Variants in SLC7A2 observed in about 807,000 individuals in gnomAD.
SLC7A2 encodes the protein solute carrier family 7 member 2, also known as cationic amino acid transporter 2.
Under a neutral mutation model 58.9 loss-of-function variants are expected in SLC7A2, and 48 were observed. The observed-to-expected ratio is 0.82, with a 90% confidence interval of 0.65 to 1.04. SLC7A2 has a LOEUF of 1.04. SLC7A2 is among the 50% of genes least tolerant of loss of function. SLC7A2 has a pLI of 0.00. For missense variants in SLC7A2, 1,029 were observed against 818.8 expected (o/e 1.26, Z -3.13); for synonymous variants, 363 against 314.5 (o/e 1.15, Z -1.63).
chr8:17,556,568 T>A (rs1195307623), intron 8 of SLC7A2, among the ~76,000 whole-genome samples: 1 of 152,034 alleles, frequency 6.6e-6, no homozygotes, highest in Non-Finnish European at 1.5e-5. Flanking sequence ...CTGTGATTTT[T>A]AAGCATACCA....
At chr8:17,506,447 C>T (rs1021597201) in intron 2 of SLC7A2, among the ~76,000 whole-genome samples, 2 of 152,184 alleles carry the variant, frequency 1.3e-5, no homozygotes, top group Non-Finnish European at 2.9e-5. Flanking sequence ...CTTCACAGTA[C>T]ATTTAAAACT....
At chr8:17,538,942 C>T (rs566157476) in intron 2 of SLC7A2, 22 of 1,603,448 alleles carry the variant, frequency 1.4e-5, no homozygotes, top group Non-Finnish European at 1.8e-5. Context: ...ATTGTCAGGG[C>T]CTGGGATACT....
At chr8:17,547,358 C>A (rs1802221692) in intron 4 of SLC7A2, among the ~76,000 whole-genome samples, 1 of 152,050 alleles carries the variant, frequency 6.6e-6, no homozygotes, top group Admixed American at 6.5e-5. Flanking sequence ...AACCTGCCCC[C>A]ATGATTCAGT....
rs572470562 is a variant in SLC7A2 at position 17,538,714 on chromosome 8, C to T, written c.-22-4604C>T. The T allele has an allele frequency of 1.2e-5, 16 of 1,301,936 alleles. No homozygotes were observed. The South Asian group carries it at 2.1e-4, about 17-fold the overall frequency. The allele number at this position is 1,301,936 out of a possible 1,614,324, so 80.6% of individuals were successfully genotyped here. On this transcript the variant is annotated intron_variant, in intron 2 of 12. Coordinates refer to ENST00000494857, the MANE Select transcript of SLC7A2 (RefSeq NM_001370338.1). ...ATTGCAAAATAAAAAAGATCTAGGG[C>T]AAAAACAGTATGGTAAAGATCCCTA...
intron 2 of SLC7A2, among the ~76,000 whole-genome samples, chr8:17,514,048 T>C (rs111466756): frequency 5.9e-5 from 9 of 152,312 alleles, no homozygotes; most frequent in African/African-American, 2.2e-4. Flanking sequence ...TGACCCGTAA[T>C]AGTCTTAGTT....
chr8:17,495,171 G>C (rs1169802668), upstream of SLC7A2, among the ~76,000 whole-genome samples: 1 of 152,022 alleles, frequency 6.6e-6, no homozygotes, highest in African/African-American at 2.4e-5. Flanking sequence ...TGTTGACCAG[G>C]TTGGCCTCGA....
At chr8:17,538,857 C>G in intron 2 of SLC7A2, 5 of 1,613,588 alleles carry the variant, frequency 3.1e-6, no homozygotes, top group Middle Eastern at 3.3e-4. Flanking sequence ...ATAACTCAGA[C>G]AAACTAATTT....
At chr8:17,514,202 C>G (rs987804976) in intron 2 of SLC7A2, among the ~76,000 whole-genome samples, 22 of 151,946 alleles carry the variant, frequency 1.4e-4, no homozygotes, top group African/African-American at 5.3e-4. Context: ...ATGAATGAAA[C>G]AGGCTAGTGC....
rs1403768742 is a variant in SLC7A2, at chr8:17,559,576, C to T, written c.1299-752C>T. 2.0e-5 allele frequency among the ~76,000 whole-genome samples: 3 copies of T among 151,966 alleles called. No individual in the cohort carries two copies. In the South Asian group the frequency reaches 6.2e-4, roughly 32 times the overall value. On this transcript the variant is annotated intron_variant, in intron 9 of 12. Transcript: ENST00000494857. ...AGCGAAACTCTGTCTCAAAAAAAAA[C>T]ATAACAAAACGAAAGAAGAAAAACC...
At chr8:17,528,395 T>C (rs1017633490) in intron 2 of SLC7A2, among the ~76,000 whole-genome samples, 11 of 152,006 alleles carry the variant, frequency 7.2e-5, no homozygotes, top group Admixed American at 6.6e-4. Context: ...TGTTTATTTG[T>C]TTTTTTAGAG....
At position 17,527,358 on chromosome 8, in the gene SLC7A2, C is replaced by A. The variant is rs916554398; in HGVS notation, c.-22-15960C>A. On this transcript the variant is annotated intron_variant, in intron 2 of 12. Transcript: ENST00000494857. Reference sequence around the variant, plus strand: ...TCATTCATTGGACAAATGTTTACTCCTATCCATGTTTCAGTCACTGGGAAA... The same window carrying A: ...TCATTCATTGGACAAATGTTTACTCATATCCATGTTTCAGTCACTGGGAAA... Among the ~76,000 whole-genome samples, 22 of 152,262 alleles carry A rather than the reference C, an allele frequency of 1.4e-4. No individual in the cohort carries two copies. The South Asian group carries it at 2.1e-3, about 14-fold the overall frequency.
At chr8:17,495,706 C>T (rs750928614), upstream of SLC7A2, among the ~76,000 whole-genome samples, 6 of 152,118 alleles carry the variant, frequency 3.9e-5, no homozygotes, top group Non-Finnish European at 7.4e-5. Context: ...CCCGCCGCCG[C>T]GCCCGGCTAA....
intron 2 of SLC7A2, among the ~76,000 whole-genome samples, chr8:17,528,659 C>T (rs529869845): frequency 6.6e-6 from 1 of 152,328 alleles, no homozygotes; most frequent in East Asian, 1.9e-4. Context: ...CTGCCTCCGC[C>T]TCCCAAAGTG....
upstream of SLC7A2, among the ~76,000 whole-genome samples, chr8:17,495,838 C>G (rs1327236550): frequency 6.6e-6 from 1 of 152,070 alleles, no homozygotes; most frequent in Non-Finnish European, 1.5e-5. Context: ...GCGTGAGCCA[C>G]CACCCCCAGC....
At chr8:17,495,943 C>G (rs900380462), upstream of SLC7A2, among the ~76,000 whole-genome samples, 1 of 152,094 alleles carries the variant, frequency 6.6e-6, no homozygotes, top group Non-Finnish European at 1.5e-5. Flanking sequence ...AGCCCCACAC[C>G]GTTTATTAGA....
In SLC7A2 at chr8:17,544,489, G is replaced by A. The variant is rs758331280; in HGVS notation, c.415G>A (p.Asp139Asn). The change falls in exon 4 of 13, where the codon GAT (aspartate) becomes AAT (asparagine). Residue 139 changes from aspartate (D) to asparagine (N), a missense_variant. Coordinates refer to ENST00000494857, the MANE Select transcript of SLC7A2 (RefSeq NM_001370338.1). ...SVARAWSGTFDELLSKQIGQF... is the reference protein window; with the variant it reads ...SVARAWSGTFNELLSKQIGQF... Reference sequence around the variant, plus strand: ...TGCAAGAGCCTGGAGTGGCACCTTTGATGAACTTCTTAGCAAACAGATTGG... The same window carrying A: ...TGCAAGAGCCTGGAGTGGCACCTTTAATGAACTTCTTAGCAAACAGATTGG... 1 of 1,614,084 alleles carries A rather than the reference G, an allele frequency of 6.2e-7. No homozygotes were observed. The highest frequency in any genetic ancestry group is 8.5e-7 in the Non-Finnish European group (1 of 1,179,974).
intron 2 of SLC7A2, among the ~76,000 whole-genome samples, chr8:17,530,303 G>A (rs991687421): frequency 2.0e-5 from 3 of 152,132 alleles, no homozygotes; most frequent in East Asian, 1.9e-4. Context: ...CCTGGGAGCC[G>A]GGACAGAGGG....
intron 2 of SLC7A2, among the ~76,000 whole-genome samples, chr8:17,519,327 A>T (rs1226421047): frequency 6.6e-6 from 1 of 152,210 alleles, no homozygotes; most frequent in Non-Finnish European, 1.5e-5. Flanking sequence ...CAGTAGTAGC[A>T]GCAGAAGTAA....
intron 2 of SLC7A2, among the ~76,000 whole-genome samples, chr8:17,523,810 G>A (rs1416907798): frequency 6.6e-6 from 1 of 151,996 alleles, no homozygotes; most frequent in Non-Finnish European, 1.5e-5. Context: ...GAAATAATCA[G>A]CAGAATTAAC....
Sources: allele counts gnomAD v4.1 joint callset (sites outside exome capture counted in the v4.1 genomes callset), GRCh38; gene constraint gnomAD v4.1.1; transcripts MANE v1.5; gene names NCBI Gene and HGNC (gene_info 2026-07-23, HGNC 2026-07-21).